The following SPG7 variants were observed in gnomAD, a reference collection of about 807,000 sequenced individuals.
SPG7 encodes mitochondrial inner membrane m-AAA protease component paraplegin.
A neutral mutation model predicts 81.9 loss-of-function variants in SPG7; 103 were observed. That is an observed-to-expected ratio of 1.26 (90% CI 1.07 to 1.48). The LOEUF (loss-of-function observed/expected upper bound fraction) is 1.48. SPG7 is among the 40% of genes most tolerant of loss of function. The pLI, the probability that SPG7 is intolerant of heterozygous loss-of-function variation, is 0.00. For synonymous variants in SPG7, 534 were observed against 444.2 expected (o/e 1.20, Z -2.54); for missense variants, 1,241 against 1,087.3 (o/e 1.14, Z -1.99).
rs768740995 is a variant in SPG7 at position 89,524,255 on chromosome 16, A to G, written c.618+8A>G. 30 of 1,604,586 alleles carry G rather than the reference A, an allele frequency of 1.9e-5. No homozygotes were observed. Among genetic ancestry groups the G allele is most frequent in the Non-Finnish European group, 2.5e-5 (29 of 1,175,480 alleles). ...GTGGTGTTTGGGCGGCCTGTGAGTGAGGGTGCGGGAGGCCTGTGAGTGAGG... is the reference window on the plus strand; with the variant it reads ...GTGGTGTTTGGGCGGCCTGTGAGTGGGGGTGCGGGAGGCCTGTGAGTGAGG... On this transcript the variant is annotated splice_region_variant and intron_variant, in intron 4 of 16. Coordinates refer to ENST00000645818, the MANE Select transcript of SPG7 (RefSeq NM_003119.4).
intron 9 of SPG7, chr16:89,537,554 C>A (rs757669438): frequency 1.0e-6 from 1 of 991,134 alleles, no homozygotes; most frequent in African/African-American, 1.7e-5. Context: ...TCTTCAGAGA[C>A]AGGGTGTCGT....
chr16:89,526,244 A>G (rs1424752091), intron 4 of SPG7, 85 bp from the exon 5 acceptor site: 5 of 1,501,692 alleles, frequency 3.3e-6, no homozygotes, highest in Non-Finnish European at 4.6e-6. Flanking sequence ...CATTACCATG[A>G]GTTCCAGGCG....
chr16:89,532,751 C>A, intron 9 of SPG7, 115 bp downstream of exon 9: 2 of 1,251,582 alleles, frequency 1.6e-6, no homozygotes, highest in Non-Finnish European at 2.3e-6. Context: ...GCCTGGGTGA[C>A]AGAGTGAGAC....
At chr16:89,550,218 C>T in intron 12 of SPG7, 1 of 401,436 alleles carries the variant, frequency 2.5e-6, no homozygotes, top group Middle Eastern at 8.2e-4. Flanking sequence ...TGTCGCCCAG[C>T]CTGGAGTGCA....
At chr16:89,552,562 G>C (rs934218182) in intron 13 of SPG7, 1 of 271,096 alleles carries the variant, frequency 3.7e-6, no homozygotes, top group African/African-American at 2.2e-5. Context: ...GGCTGTGGGG[G>C]AGCAGCAGAG....
intron 5 of SPG7, among the ~76,000 whole-genome samples, chr16:89,528,440 A>G (rs2058296458): frequency 6.6e-6 from 1 of 150,546 alleles, no homozygotes; most frequent in South Asian, 2.1e-4. Context: ...GGGCAGGCCC[A>G]TTCTCATGTC....
intron 4 of SPG7, among the ~76,000 whole-genome samples, chr16:89,525,157 G>A (rs1339548095): frequency 2.6e-5 from 4 of 151,876 alleles, no homozygotes; most frequent in African/African-American, 9.7e-5. Context: ...TTGGAGAGAT[G>A]AGGTCTCACT....
chr16:89,536,228 T>C (rs1456682811), intron 9 of SPG7, among the ~76,000 whole-genome samples: 2 of 127,400 alleles, frequency 1.6e-5, no homozygotes, highest in African/African-American at 5.8e-5. Context: ...GTGTGGCCTC[T>C]CTGGTGCTGT....
At chr16:89,552,626 C>G (rs2058647017) in intron 13 of SPG7, 8 of 358,962 alleles carry the variant, frequency 2.2e-5, no homozygotes, top group Non-Finnish European at 4.4e-5. Flanking sequence ...GCTCTGAACC[C>G]TCAGTAGCTG....
At chr16:89,544,108 A>G (rs1049122513) in intron 9 of SPG7, 2 of 185,124 alleles carry the variant, frequency 1.1e-5, no homozygotes, top group African/African-American at 4.7e-5. Context: ...TTCGCAGTTG[A>G]TTTATTCACA....
At position 89,557,700 on chromosome 16, in the gene SPG7, C is replaced by T. The variant is rs2058702074; in HGVS notation, c.*607C>T. 6.4e-6 allele frequency: 1 copy of T among 156,148 alleles called. No homozygotes were observed. Among genetic ancestry groups the T allele is most frequent in the Non-Finnish European group, 1.4e-5 (1 of 70,244 alleles). 9.7% of individuals were successfully genotyped at this position (156,148 alleles called of 1,614,324 possible). On this transcript the variant is annotated 3_prime_UTR_variant, in exon 17 of 17. Transcript: ENST00000645818. ...GTCACGCATGCAGTGTTGGGGATGC[C>T]TTGGTTTTTACTGCTCTGAGAATTG...
At chr16:89,553,556 C>G in intron 14 of SPG7, 1 of 572,246 alleles carries the variant, frequency 1.7e-6, no homozygotes, top group South Asian at 2.0e-5. Context: ...GCAGTGAGCT[C>G]CAGTATGCCC....
In SPG7 at chr16:89,553,154, G is replaced by C. The variant is rs1303534940; in HGVS notation, c.1936+19G>C. On this transcript the variant is annotated intron_variant, in intron 14 of 16. Coordinates refer to ENST00000645818, the MANE Select transcript of SPG7 (RefSeq NM_003119.4). Reference sequence around the variant, plus strand: ...ACTTCTGGTGAGGAGCAGCGGCGCGGGCCCTGGAGGTTTCAGAGCGCTTTT... The same window carrying C: ...ACTTCTGGTGAGGAGCAGCGGCGCGCGCCCTGGAGGTTTCAGAGCGCTTTT... 1.9e-6 allele frequency: 3 copies of C among 1,581,502 alleles called. No individual in the cohort carries two copies. Among genetic ancestry groups the C allele is most frequent in the Non-Finnish European group, 2.6e-6 (3 of 1,163,778 alleles).
At position 89,530,811 on chromosome 16, in the gene SPG7, G is replaced by T; in HGVS notation, c.987+3G>T. The T allele has an allele frequency of 6.2e-7, 1 of 1,614,058 alleles. No homozygotes were observed. Among genetic ancestry groups the T allele is most frequent in the Non-Finnish European group, 8.5e-7 (1 of 1,179,990 alleles). On this transcript the variant is annotated splice_donor_region_variant and intron_variant, in intron 7 of 16. Coordinates refer to ENST00000645818, the MANE Select transcript of SPG7 (RefSeq NM_003119.4). ...GCGAGTTTGTGGATTATCTGAAGGT[G>T]AAAGCAGCGTGGGCCGGGAGGGAGG... is the stretch of plus-strand genomic sequence containing the variant.
intron 13 of SPG7, chr16:89,552,664 G>A (rs1597663810): frequency 5.0e-6 from 2 of 397,040 alleles, no homozygotes; most frequent in East Asian, 1.2e-4. Context: ...CAGCGCAGCG[G>A]CCATCGGGGG....
chr16:89,529,077 G>A (rs2058306419), intron 5 of SPG7: 1 of 312,644 alleles, frequency 3.2e-6, no homozygotes, highest in Non-Finnish European at 6.2e-6. Flanking sequence ...CTCCCAAAGT[G>A]CTAGGATTAC....
chr16:89,514,790 G>A (rs568029652), intron 3 of SPG7, among the ~76,000 whole-genome samples: 54 of 151,940 alleles, frequency 3.6e-4, no homozygotes, highest in African/African-American at 1.1e-3. Flanking sequence ...GAGCCACCGC[G>A]TCAGGCCCTC....
intron 9 of SPG7, among the ~76,000 whole-genome samples, chr16:89,534,853 C>G (rs1449219867): frequency 6.6e-6 from 1 of 152,210 alleles, no homozygotes; most frequent in Non-Finnish European, 1.5e-5. Flanking sequence ...GCTTCCGCCC[C>G]CCCGATGTGG....
chr16:89,530,880 G>C, intron 7 of SPG7, 72 bp downstream of exon 7: 1 of 1,601,264 alleles, frequency 6.2e-7, no homozygotes, highest in East Asian at 2.2e-5. Flanking sequence ...AAGGGCTCCT[G>C]CGGGACCTGG....
Sources: gnomAD v4.1 joint callset for allele counts (sites outside exome capture counted in the v4.1 genomes callset) on GRCh38, gnomAD v4.1.1 for gene constraint, MANE v1.5 for transcripts, NCBI Gene and HGNC (gene_info 2026-07-23, HGNC 2026-07-21) for gene names.